The following COL22A1 variants were observed in gnomAD, a reference collection of about 807,000 sequenced individuals.
COL22A1 encodes collagen type XXII alpha 1 chain, also known as collagen alpha-1(XXII) chain.
COL22A1 carries 221 observed loss-of-function variants against 248.9 expected under a neutral mutation model. That is an observed-to-expected ratio of 0.89 (90% CI 0.80 to 0.99). The LOEUF (loss-of-function observed/expected upper bound fraction) is 0.99, where lower values mean the gene tolerates loss of function less well. Among genes scored for constraint, COL22A1 ranks in the 50% least tolerant of loss-of-function variants. COL22A1 has a pLI of 0.00. For synonymous variants in COL22A1, 891 were observed against 793.4 expected (o/e 1.12, Z -2.07); for missense variants, 2,240 against 2,179.0 (o/e 1.03, Z -0.56).
intron 3 of COL22A1, among the ~76,000 whole-genome samples, chr8:138,871,073 C>T (rs1586931501): frequency 2.0e-5 from 3 of 151,946 alleles, no homozygotes; most frequent in African/African-American, 7.3e-5. Context: ...CAGGGCCATG[C>T]CCACTTTGAT....
intron 10 of COL22A1, among the ~76,000 whole-genome samples, chr8:138,804,172 G>A (rs113722601): frequency 1.0e-3 from 155 of 152,260 alleles, no homozygotes; most frequent in Non-Finnish European, 1.8e-3. Context: ...TCACAACTGG[G>A]CCTTGCACCT....
intron 45 of COL22A1, among the ~76,000 whole-genome samples, chr8:138,650,982 G>A (rs186288764): frequency 1.7e-4 from 26 of 152,248 alleles, no homozygotes; most frequent in South Asian, 1.2e-3. Flanking sequence ...GCAAAAATAC[G>A]CGGAAGCTGC....
chr8:138,808,483 A>G (rs1489224158), intron 9 of COL22A1, among the ~76,000 whole-genome samples: 1 of 152,238 alleles, frequency 6.6e-6, no homozygotes, highest in Non-Finnish European at 1.5e-5. Context: ...GTTATTGTTC[A>G]CTAAAATACA....
intron 47 of COL22A1, among the ~76,000 whole-genome samples, chr8:138,637,237 G>A (rs917012544): frequency 2.6e-5 from 4 of 152,164 alleles, no homozygotes; most frequent in Non-Finnish European, 4.4e-5. Flanking sequence ...TCCAGGAGTG[G>A]CAGGAAAAGA....
chr8:138,779,542 TCCCAGCTCTCCTGGCTCC>T lies in COL22A1; in HGVS notation c.1653_1670del (p.Glu555_Gly560del), dbSNP rs777304493. The stretch of plus-strand genomic sequence containing the variant: ...CGACCTCACCCGGCAGCCCCGGCTC[TCCCAGCTCTCCTGGCTCC>T]CCCTGAACAAACAAAACAACACAAA... On this transcript the variant is annotated inframe_deletion and splice_region_variant, in exon 14 of 65. Coordinates refer to ENST00000303045, the MANE Select transcript of COL22A1 (RefSeq NM_152888.3). 8 of 1,613,442 alleles carry T rather than the reference TCCCAGCTCTCCTGGCTCC, an allele frequency of 5.0e-6. No homozygotes were observed. The South Asian group carries it at 8.8e-5, about 18-fold the overall frequency.
Position 138,714,317 on chromosome 8 carries a change from T to C in COL22A1, c.2517+1365A>G, listed in dbSNP as rs538995686. On this transcript the variant is annotated intron_variant, in intron 30 of 64. Coordinates refer to ENST00000303045, the MANE Select transcript of COL22A1 (RefSeq NM_152888.3). ...AGTGGCTGTTTTCTGTTTGTCCCTT[T>C]ATATCCACTCCTGTTCCTTTCTCCA... Among the ~76,000 whole-genome samples, 13 of 152,288 alleles carry C rather than the reference T, an allele frequency of 8.5e-5. No individual in the cohort carries two copies. The East Asian group carries it at 2.5e-3, about 30-fold the overall frequency.
chr8:138,899,307 C>G (rs1346513038), intron 1 of COL22A1, among the ~76,000 whole-genome samples: 1 of 152,080 alleles, frequency 6.6e-6, no homozygotes, highest in African/African-American at 2.4e-5. Flanking sequence ...CTCAGGGCCA[C>G]TTTACGGATA....
intron 12 of COL22A1, among the ~76,000 whole-genome samples, chr8:138,786,337 A>T (rs1459234392): frequency 6.6e-6 from 1 of 152,150 alleles, no homozygotes; most frequent in African/African-American, 2.4e-5. Context: ...CTTTTTTTAC[A>T]TGGTTAAGAT....
chr8:138,876,116 C>A (rs1823697976), intron 3 of COL22A1, among the ~76,000 whole-genome samples: 1 of 152,176 alleles, frequency 6.6e-6, no homozygotes, highest in Non-Finnish European at 1.5e-5. Flanking sequence ...CAAGGCCCCC[C>A]TTTATGGGGA....
intron 51 of COL22A1, among the ~76,000 whole-genome samples, chr8:138,625,768 T>C (rs1820187543): frequency 6.6e-6 from 1 of 152,240 alleles, no homozygotes; most frequent in Non-Finnish European, 1.5e-5. Context: ...TTGCGTCTAT[T>C]AAATGTAAAG....
chr8:138,748,690 C>T (rs1832334864), intron 22 of COL22A1, among the ~76,000 whole-genome samples: 1 of 152,188 alleles, frequency 6.6e-6, no homozygotes. Flanking sequence ...TCTCCAGACC[C>T]AGTGAATTGC....
At chr8:138,652,122 G>A (rs369599810) in intron 45 of COL22A1, among the ~76,000 whole-genome samples, 90 of 152,308 alleles carry the variant, frequency 5.9e-4, no homozygotes, top group African/African-American at 2.1e-3. Flanking sequence ...GCTCCTGGGA[G>A]CCCCCCGAGT....
intron 3 of COL22A1, among the ~76,000 whole-genome samples, chr8:138,850,686 C>T (rs1821571449): frequency 6.6e-6 from 1 of 152,220 alleles, no homozygotes; most frequent in Admixed American, 6.5e-5. Flanking sequence ...AAGGACAAGA[C>T]CAGGGGAAAG....
chr8:138,723,255 C>A (rs1830038398), intron 25 of COL22A1, among the ~76,000 whole-genome samples: 1 of 152,136 alleles, frequency 6.6e-6, no homozygotes, highest in Admixed American at 6.5e-5. Flanking sequence ...TGACTCATCT[C>A]TCCCTGTGCC....
At chr8:138,768,582 C>T (rs191197397) in intron 16 of COL22A1, among the ~76,000 whole-genome samples, 10 of 152,032 alleles carry the variant, frequency 6.6e-5, no homozygotes, top group Admixed American at 6.6e-4. Context: ...TTTTTTGGTT[C>T]GAATTTGTGA....
intron 48 of COL22A1, among the ~76,000 whole-genome samples, chr8:138,636,480 A>AGAAAG (rs758849864): frequency 0.023 from 1,093 of 46,564 alleles, 84 homozygotes; most frequent in African/African-American, 0.059. Context: ...AAGAGAAGGA[A>AGAAAG]GAAAGGAAAG....
chr8:138,756,730 C>CG (rs1563719672), intron 18 of COL22A1, among the ~76,000 whole-genome samples: 1 of 152,030 alleles, frequency 6.6e-6, no homozygotes, highest in African/African-American at 2.4e-5. Flanking sequence ...TCAAGACACA[C>CG]GCTCACTGCC....
chr8:138,633,730 TG>T (rs1301873810), intron 49 of COL22A1, among the ~76,000 whole-genome samples: 2 of 152,210 alleles, frequency 1.3e-5, no homozygotes, highest in Admixed American at 1.3e-4. Context: ...TTTTGCTGAT[TG>T]TCAGATGCTA....
intron 23 of COL22A1, among the ~76,000 whole-genome samples, chr8:138,730,893 G>A (rs1830661651): frequency 6.6e-6 from 1 of 151,898 alleles, no homozygotes; most frequent in Non-Finnish European, 1.5e-5. Flanking sequence ...GGGAGGGGGA[G>A]GGGAGGAAGA....
Sources: gnomAD v4.1 joint callset for allele counts (sites outside exome capture counted in the v4.1 genomes callset) on GRCh38, gnomAD v4.1.1 for gene constraint, MANE v1.5 for transcripts, NCBI Gene and HGNC (gene_info 2026-07-23, HGNC 2026-07-21) for gene names.